MS4A5: variants seen among roughly 807,000 people sequenced by gnomAD.
The protein encoded by MS4A5 is membrane-spanning 4-domains subfamily A member 5.
A neutral mutation model predicts 18.2 loss-of-function variants in MS4A5; 15 were observed. That is an observed-to-expected ratio of 0.83 (90% CI 0.55 to 1.27). MS4A5 has a LOEUF of 1.27. Ranked by LOEUF, MS4A5 falls within the 50% of genes most tolerant of loss-of-function variation. MS4A5 has a pLI of 0.00. For missense variants in MS4A5, 232 were observed against 225.7 expected (o/e 1.03, Z -0.18); for synonymous variants, 89 against 78.7 (o/e 1.13, Z -0.69).
chr11:60,447,366 T>TATGCTATGCA lies in MS4A5; in HGVS notation c.493-279_493-278insTATGCAATGC, dbSNP rs1555014111. Among the ~76,000 whole-genome samples, 12 of 134,896 alleles carry TATGCTATGCA rather than the reference T, an allele frequency of 8.9e-5. No individual in the cohort carries two copies. In the East Asian group the frequency reaches 2.2e-3, roughly 24 times the overall value. The allele number at this position is 134,896 out of a possible 152,430, so 88.5% of individuals were successfully genotyped here. A position where few individuals can be genotyped will look rare whatever the true frequency, so the allele number is the denominator to read the frequency against. ...TATGCTATGCTATGCTATGCTATGCTATGCAATGCAGTGCTATGCTATCCT... is the reference window on the plus strand; with the variant it reads ...TATGCTATGCTATGCTATGCTATGCTATGCTATGCAATGCAATGCAGTGCTATGCTATCCT... On this transcript the variant is annotated intron_variant, in intron 4 of 4. Coordinates refer to ENST00000300190, the MANE Select transcript of MS4A5 (RefSeq NM_023945.3).
At position 60,441,324 on chromosome 11, in the gene MS4A5, T is replaced by C; in HGVS notation, c.493-6325T>C. Among the ~76,000 whole-genome samples the C allele has an allele frequency of 2.4e-5, 2 of 83,762 alleles. 1 individual carries two copies. The allele number at this position is 83,762 out of a possible 152,430, so 55.0% of individuals were successfully genotyped here. A position where few individuals can be genotyped will look rare whatever the true frequency, so the allele number is the denominator to read the frequency against. Reference sequence around the variant, plus strand: ...GGATAGCATCGGGAGATATACCTAATGCTAGATGACGAGTTAGTGGGTGCA... The same window carrying C: ...GGATAGCATCGGGAGATATACCTAACGCTAGATGACGAGTTAGTGGGTGCA... On this transcript the variant is annotated intron_variant, in intron 4 of 4. Coordinates refer to ENST00000300190, the MANE Select transcript of MS4A5 (RefSeq NM_023945.3).
chr11:60,434,407 A>C (rs1229211060), intron 4 of MS4A5, among the ~76,000 whole-genome samples: 2 of 152,202 alleles, frequency 1.3e-5, no homozygotes, highest in Non-Finnish European at 2.9e-5. Context: ...AGAAAAAGAG[A>C]GTTACCAAAC....
intron 4 of MS4A5, among the ~76,000 whole-genome samples, chr11:60,445,126 G>A (rs2086132277): frequency 6.6e-6 from 1 of 152,166 alleles, no homozygotes; most frequent in Admixed American, 6.5e-5. Context: ...TTTAACACAT[G>A]ATGCTAGAAA....
At chr11:60,446,236 T>C (rs997453278) in intron 4 of MS4A5, among the ~76,000 whole-genome samples, 1 of 152,180 alleles carries the variant, frequency 6.6e-6, no homozygotes, top group Non-Finnish European at 1.5e-5. Flanking sequence ...AGTTAAAATA[T>C]AGTAGACAAA....
intron 4 of MS4A5, among the ~76,000 whole-genome samples, chr11:60,435,797 G>A (rs1043556496): frequency 2.8e-4 from 42 of 152,026 alleles, no homozygotes; most frequent in African/African-American, 5.1e-4. Context: ...ACGGAGTCTC[G>A]CTGATTGCTA....
chr11:60,447,320 CTATG>C (rs1329097160), intron 4 of MS4A5, among the ~76,000 whole-genome samples: 6 of 139,744 alleles, frequency 4.3e-5, no homozygotes, highest in African/African-American at 1.5e-4. Context: ...CTATGCTATG[CTATG>C]CTATGCTATG....
intron 4 of MS4A5, among the ~76,000 whole-genome samples, chr11:60,442,605 C>T (rs980392166): frequency 7.9e-5 from 12 of 152,088 alleles, no homozygotes; most frequent in Non-Finnish European, 1.0e-4. Context: ...ACATGTATAC[C>T]TGTGTAACCT....
chr11:60,435,649 T>C (rs970058324), intron 4 of MS4A5: 5 of 234,552 alleles, frequency 2.1e-5, no homozygotes, highest in Non-Finnish European at 4.3e-5. Flanking sequence ...GTTCCCTTTC[T>C]GAGTCAAAGA....
At chr11:60,446,261 A>G (rs1016132954) in intron 4 of MS4A5, among the ~76,000 whole-genome samples, 3 of 152,228 alleles carry the variant, frequency 2.0e-5, no homozygotes, top group Non-Finnish European at 4.4e-5. Flanking sequence ...GCTTCAGGAG[A>G]GGATGTTAAC....
chr11:60,435,454 C>CG (rs1322396574), intron 4 of MS4A5: 24 of 427,052 alleles, frequency 5.6e-5, no homozygotes, highest in Non-Finnish European at 3.6e-5. Context: ...GGAACAGCTC[C>CG]GGTCTACAGC....
intron 1 of MS4A5, 90 bp from the exon 2 acceptor site, chr11:60,430,706 C>A: frequency 6.7e-7 from 1 of 1,489,580 alleles, no homozygotes; most frequent in Non-Finnish European, 9.1e-7. Flanking sequence ...GAGTAATTGC[C>A]AAATCCTTTT....
intron 4 of MS4A5, among the ~76,000 whole-genome samples, chr11:60,447,307 G>GTGCTATGCTA (rs1198924754): frequency 0.073 from 10,244 of 139,600 alleles, 472 homozygotes; most frequent in Non-Finnish European, 0.08. Flanking sequence ...ATCCTATGCT[G>GTGCTATGCTA]TGCTATGCTA....
intron 4 of MS4A5, among the ~76,000 whole-genome samples, chr11:60,446,122 T>C (rs1157783401): frequency 6.6e-6 from 1 of 152,074 alleles, no homozygotes; most frequent in Admixed American, 6.6e-5. Context: ...AGGAAATCAA[T>C]CAGTTCCTGT....
intron 4 of MS4A5, among the ~76,000 whole-genome samples, chr11:60,442,243 T>G (rs369749937): frequency 2.6e-5 from 4 of 152,234 alleles, no homozygotes; most frequent in Non-Finnish European, 5.9e-5. Flanking sequence ...GAAGTACATA[T>G]ATGCATTGTG....
chr11:60,436,189 C>T lies in MS4A5; in HGVS notation c.492+2272C>T, dbSNP rs1297744223. On this transcript the variant is annotated intron_variant, in intron 4 of 4. Coordinates refer to ENST00000300190, the MANE Select transcript of MS4A5 (RefSeq NM_023945.3). ...CACTGACACCTCACACGGCAGAGTA[C>T]TCCAACAGACCTGCAGCTGAGGGTC... Among the ~76,000 whole-genome samples the T allele has an allele frequency of 1.2e-4, 18 of 151,610 alleles. No individual in the cohort carries two copies. The South Asian group carries it at 1.3e-3, about 11-fold the overall frequency.
At chr11:60,442,733 T>G (rs1050417457) in intron 4 of MS4A5, among the ~76,000 whole-genome samples, 9 of 152,210 alleles carry the variant, frequency 5.9e-5, no homozygotes, top group Non-Finnish European at 1.3e-4. Context: ...AACTTATTCC[T>G]CCTATCTAAC....
At chr11:60,434,869 A>G (rs1347863670) in intron 4 of MS4A5, among the ~76,000 whole-genome samples, 2 of 152,186 alleles carry the variant, frequency 1.3e-5, no homozygotes, top group Non-Finnish European at 2.9e-5. Context: ...TTTCACATCC[A>G]CTCAAAGTAT....
At chr11:60,430,966 CA>C (rs1565186060) in intron 2 of MS4A5, 42 bp downstream of exon 2, 2 of 1,587,416 alleles carry the variant, frequency 1.3e-6, no homozygotes, top group Non-Finnish European at 1.7e-6. Context: ...CCATGCCAAC[CA>C]GGATGTTAGG....
At chr11:60,443,617 T>C (rs746904974) in intron 4 of MS4A5, among the ~76,000 whole-genome samples, 7 of 151,840 alleles carry the variant, frequency 4.6e-5, no homozygotes, top group Non-Finnish European at 7.4e-5. Context: ...TATTCTATAA[T>C]AGACATAACA....
Sources: gnomAD v4.1 joint callset for allele counts (sites outside exome capture counted in the v4.1 genomes callset) on GRCh38, gnomAD v4.1.1 for gene constraint, MANE v1.5 for transcripts, NCBI Gene and HGNC (gene_info 2026-07-23, HGNC 2026-07-21) for gene names.